The following NHLRC2 variants were observed in gnomAD, a reference collection of about 807,000 sequenced individuals.
NHLRC2 encodes NHL repeat containing 2, also known as NHL repeat-containing protein 2.
A neutral mutation model predicts 68.1 loss-of-function variants in NHLRC2; 33 were observed. The observed-to-expected ratio is 0.48, with a 90% CI of 0.37 to 0.65. The LOEUF (loss-of-function observed/expected upper bound fraction) is 0.65, where lower values mean the gene tolerates loss of function less well. NHLRC2 is among the 30% of genes least tolerant of loss of function. The pLI is 0.00. For synonymous variants in NHLRC2, 311 were observed against 309.6 expected (o/e 1.00, Z -0.05); for missense variants, 761 against 853.8 (o/e 0.89, Z 1.35).
At chr10:113,893,941 TG>T (rs1846155195) in intron 5 of NHLRC2, among the ~76,000 whole-genome samples, 1 of 152,140 alleles carries the variant, frequency 6.6e-6, no homozygotes, top group Non-Finnish European at 1.5e-5. Flanking sequence ...GGGACATTGA[TG>T]TGAAAGAGAA....
Position 113,896,449 on chromosome 10 carries a change from A to C in NHLRC2, c.1040-1661A>C, listed in dbSNP as rs1314591451. On this transcript the variant is annotated intron_variant, in intron 5 of 10. Coordinates refer to ENST00000369301, the MANE Select transcript of NHLRC2 (RefSeq NM_198514.4). ...CCAAACACCGCATATTCTCACTCAT[A>C]GGTGGGAATTGAACAATGAGAACAC... Among the ~76,000 whole-genome samples the C allele has an allele frequency of 2.1e-5, 3 of 143,908 alleles. No individual in the cohort carries two copies. In the Admixed American group the frequency reaches 2.2e-4, roughly 11 times the overall value. The allele number at this position is 143,908 out of a possible 152,430, so 94.4% of individuals were successfully genotyped here.
At chr10:113,885,174 T>G (rs1846070166) in intron 5 of NHLRC2, among the ~76,000 whole-genome samples, 2 of 151,956 alleles carry the variant, frequency 1.3e-5, no homozygotes, top group Non-Finnish European at 2.9e-5. Flanking sequence ...TAACTTTCTT[T>G]TATGATGCCA....
chr10:113,889,047 T>A (rs886992999), intron 5 of NHLRC2, among the ~76,000 whole-genome samples: 1 of 151,998 alleles, frequency 6.6e-6, no homozygotes, highest in Non-Finnish European at 1.5e-5. Context: ...GGCTGTTCTC[T>A]AACTCCTGAC....
intron 2 of NHLRC2, among the ~76,000 whole-genome samples, chr10:113,871,462 C>T (rs942944161): frequency 6.6e-6 from 1 of 152,130 alleles, no homozygotes; most frequent in African/African-American, 2.4e-5. Context: ...TGGCTAATCC[C>T]CCACGCCCCA....
At chr10:113,858,490 C>T in intron 1 of NHLRC2, 38 bp from the exon 2 acceptor site, 2 of 1,440,562 alleles carry the variant, frequency 1.4e-6, no homozygotes, top group Non-Finnish European at 1.9e-6. Flanking sequence ...TTTTATCTTT[C>T]TCTTTAATCA....
intron 1 of NHLRC2, among the ~76,000 whole-genome samples, 166 bp from the exon 2 acceptor site, chr10:113,858,362 A>G (rs1845781335): frequency 6.6e-6 from 1 of 152,106 alleles, no homozygotes. Context: ...GGTTCATAGT[A>G]AACAACTATA....
chr10:113,882,266 A>G (rs1174079653), intron 4 of NHLRC2, among the ~76,000 whole-genome samples: 1 of 151,762 alleles, frequency 6.6e-6, no homozygotes, highest in African/African-American at 2.4e-5. Flanking sequence ...TAATTTTTTG[A>G]GAGCTGCTGA....
intron 5 of NHLRC2, among the ~76,000 whole-genome samples, chr10:113,887,042 A>G (rs1846089025): frequency 6.6e-6 from 1 of 152,202 alleles, no homozygotes; most frequent in South Asian, 2.1e-4. Context: ...CCTAACTAAA[A>G]TATAGGGAAA....
intron 5 of NHLRC2, among the ~76,000 whole-genome samples, chr10:113,888,339 G>T (rs1846101146): frequency 6.6e-6 from 1 of 152,088 alleles, no homozygotes; most frequent in African/African-American, 2.4e-5. Flanking sequence ...AAAAATGTTG[G>T]TATATTCATA....
intron 3 of NHLRC2, among the ~76,000 whole-genome samples, chr10:113,878,468 A>T (rs904389726): frequency 3.3e-5 from 5 of 152,190 alleles, no homozygotes; most frequent in African/African-American, 4.8e-5. Flanking sequence ...GAACTTTCCC[A>T]AATCACCAGC....
intron 2 of NHLRC2, among the ~76,000 whole-genome samples, chr10:113,868,862 C>T (rs1406255447): frequency 6.6e-6 from 1 of 152,146 alleles, no homozygotes; most frequent in Non-Finnish European, 1.5e-5. Context: ...CAGATGAGAA[C>T]ATTCCAGTCA....
intron 5 of NHLRC2, among the ~76,000 whole-genome samples, chr10:113,886,644 C>T (rs971408411): frequency 1.3e-5 from 2 of 152,146 alleles, no homozygotes; most frequent in African/African-American, 4.8e-5. Context: ...AAGGACAATT[C>T]GTTCCATAAA....
chr10:113,856,699 CAT>C (rs557991268), intron 1 of NHLRC2, among the ~76,000 whole-genome samples: 21 of 152,040 alleles, frequency 1.4e-4, no homozygotes, highest in African/African-American at 1.9e-4. Flanking sequence ...ACTAAAAAAA[CAT>C]ATAATAAAAT....
chr10:113,874,445 TGTG>T (rs1357636812), intron 2 of NHLRC2, among the ~76,000 whole-genome samples: 2 of 586 alleles, frequency 3.4e-3, no homozygotes, highest in Non-Finnish European at 0.014. Flanking sequence ...CATGTGTTTG[TGTG>T]TGTGTGTGTG....
intron 5 of NHLRC2, among the ~76,000 whole-genome samples, chr10:113,889,042 T>G (rs545687606): frequency 3.9e-4 from 59 of 152,064 alleles, no homozygotes; most frequent in South Asian, 1.9e-3. Context: ...GGCCAGGCTG[T>G]TCTCTAACTC....
At position 113,912,222 on chromosome 10, in the gene NHLRC2, G is replaced by A. The variant is rs1004318586; in HGVS notation, c.*3686G>A. On this transcript the variant is annotated 3_prime_UTR_variant, in exon 11 of 11. Coordinates refer to ENST00000369301, the MANE Select transcript of NHLRC2 (RefSeq NM_198514.4). ...CCTGCCTCATATTCAATGAAATATT[G>A]TGTGTACAGCACTTAGTAATTAATG... 6.6e-6 allele frequency: 1 copy of A among 151,274 alleles called. No homozygotes were observed. The highest frequency in any genetic ancestry group is 1.9e-4 in the East Asian group (1 of 5,198). The allele number at this position is 151,274 out of a possible 1,614,324, so 9.4% of individuals were successfully genotyped here.
At chr10:113,897,152 T>G (rs1184799688) in intron 5 of NHLRC2, among the ~76,000 whole-genome samples, 2 of 152,190 alleles carry the variant, frequency 1.3e-5, no homozygotes, top group Non-Finnish European at 2.9e-5. Flanking sequence ...GCTTGGTCAT[T>G]TCCATAGTTG....
chr10:113,856,141 T>C (rs890616666), intron 1 of NHLRC2, among the ~76,000 whole-genome samples: 23 of 152,348 alleles, frequency 1.5e-4, no homozygotes, highest in Middle Eastern at 3.4e-3. Context: ...GGAACAGATA[T>C]TCCCGGCAGG....
chr10:113,872,246 G>A (rs1446899428), intron 2 of NHLRC2, among the ~76,000 whole-genome samples: 4 of 151,982 alleles, frequency 2.6e-5, no homozygotes, highest in Non-Finnish European at 5.9e-5. Flanking sequence ...TGAAGGAAAA[G>A]GTAAGGTTCT....
Sources: gnomAD v4.1 joint callset for allele counts (sites outside exome capture counted in the v4.1 genomes callset) on GRCh38, gnomAD v4.1.1 for gene constraint, MANE v1.5 for transcripts, NCBI Gene and HGNC (gene_info 2026-07-23, HGNC 2026-07-21) for gene names.